The following BAZ2B variants were observed in gnomAD, a reference collection of about 807,000 sequenced individuals.
BAZ2B encodes bromodomain adjacent to zinc finger domain protein 2B.
BAZ2B carries 91 observed loss-of-function variants against 246.0 expected under a neutral mutation model. That is an observed-to-expected ratio of 0.37 (90% CI 0.31 to 0.44). BAZ2B has a LOEUF of 0.44. Among genes scored for constraint, BAZ2B ranks in the 20% least tolerant of loss-of-function variants. The probability of loss-of-function intolerance (pLI) is 1.00; values close to 1 mark genes in which losing one functional copy is unlikely to be tolerated. For synonymous variants in BAZ2B, 855 were observed against 860.0 expected (o/e 0.99, Z 0.10); for missense variants, 2,332 against 2,533.7 (o/e 0.92, Z 1.71).
chr2:159,624,346 G>A, the BAZ2B span, among the ~76,000 whole-genome samples: 1 of 152,192 alleles, frequency 6.6e-6, no homozygotes, highest in Admixed American at 6.5e-5. Context: ...GCTCTGCTAA[G>A]GGTCAGACTG....
the BAZ2B span, among the ~76,000 whole-genome samples, chr2:159,635,140 A>AT: frequency 6.6e-6 from 1 of 152,088 alleles, no homozygotes; most frequent in African/African-American, 2.4e-5. Flanking sequence ...GCTGTTTGAG[A>AT]TTTTCTGGGA....
Position 159,382,787 on chromosome 2 carries a change from A to G in BAZ2B, c.3777T>C (p.His1259=), listed in dbSNP as rs141120127. Residue 1259 remains histidine, a synonymous_variant, in exon 25 of 37, where the codon CAT becomes CAC. Transcript: ENST00000392783. ...TGTCTCTTTTGCCTGTTTTCTTAGC[A>G]TGAATGATTCTGAGCCTTTAAATAT... ...EGKLRKLRII[H]AKKTGKRDTS... 3.7e-3 allele frequency: 5,937 copies of G among 1,613,458 alleles called. 26 individuals are homozygous for G. Among genetic ancestry groups the G allele is most frequent in the Non-Finnish European group, 4.5e-3 (5,356 of 1,179,548 alleles).
At chr2:159,495,551 G>A (rs1310531680) in intron 2 of BAZ2B, among the ~76,000 whole-genome samples, 5 of 128,802 alleles carry the variant, frequency 3.9e-5, no homozygotes, top group Admixed American at 3.2e-4. Context: ...TCTGAAAATA[G>A]ATTGCCATCT....
the BAZ2B span, among the ~76,000 whole-genome samples, chr2:159,710,274 T>G: frequency 5.9e-5 from 9 of 151,490 alleles, no homozygotes; most frequent in Non-Finnish European, 1.3e-4. Context: ...AGTGGCATGA[T>G]CTTGGCTCAC....
chr2:159,343,839 A>C (rs1299786012), intron 31 of BAZ2B, among the ~76,000 whole-genome samples: 2 of 151,678 alleles, frequency 1.3e-5, no homozygotes, highest in East Asian at 3.9e-4. Context: ...ATCCTGGCTA[A>C]CATGATGAAA....
intron 1 of BAZ2B, among the ~76,000 whole-genome samples, chr2:159,609,309 ACT>A (rs1483767084): frequency 1.3e-5 from 2 of 152,146 alleles, no homozygotes; most frequent in African/African-American, 4.8e-5. Flanking sequence ...AACTAGAGTA[ACT>A]CTATAGTTTT....
At chr2:159,382,047 AT>A (rs1412133460) in intron 25 of BAZ2B, among the ~76,000 whole-genome samples, 19 of 152,284 alleles carry the variant, frequency 1.2e-4, no homozygotes, top group African/African-American at 4.3e-4. Context: ...CAGTTATCAC[AT>A]TATGTTTTCT....
chr2:159,508,991 G>A (rs1334455231), intron 2 of BAZ2B, among the ~76,000 whole-genome samples: 6 of 152,064 alleles, frequency 3.9e-5, no homozygotes, highest in African/African-American at 1.4e-4. Context: ...AATAATCCCT[G>A]CCTTTTGGCT....
In BAZ2B at chr2:159,370,337, A is replaced by T. The variant is rs202230450; in HGVS notation, c.4213+2708T>A. ...AGTATAATAAAAATATATATTTATT[A>T]AAAAAAAAACTGCTCTTAAGTCTCC... On this transcript the variant is annotated intron_variant, in intron 27 of 36. Transcript: ENST00000392783. Among the ~76,000 whole-genome samples the T allele has an allele frequency of 1.3e-3, 116 of 89,966 alleles. No homozygotes were observed. In the South Asian group the frequency reaches 0.017, roughly 13 times the overall value. 59.0% of individuals were successfully genotyped at this position (89,966 alleles called of 152,430 possible).
At chr2:159,523,703 A>G (rs1315457252) in intron 2 of BAZ2B, among the ~76,000 whole-genome samples, 2 of 152,196 alleles carry the variant, frequency 1.3e-5, no homozygotes, top group Non-Finnish European at 2.9e-5. Context: ...GTCTCAAAAA[A>G]AAGAAAAAGA....
At chr2:159,478,856 T>A in intron 2 of BAZ2B, 135 bp from the exon 3 acceptor site, 3 of 588,060 alleles carry the variant, frequency 5.1e-6, no homozygotes, top group Non-Finnish European at 7.7e-6. Context: ...AGAGAAAATA[T>A]GGAGTAGATA....
intron 2 of BAZ2B, among the ~76,000 whole-genome samples, chr2:159,526,327 G>A (rs1351969295): frequency 6.6e-6 from 1 of 152,052 alleles, no homozygotes; most frequent in African/African-American, 2.4e-5. Flanking sequence ...TAAAGTCAAA[G>A]CAGCATGTAG....
At chr2:159,410,715 C>A (rs187000620) in intron 14 of BAZ2B, among the ~76,000 whole-genome samples, 57 of 152,102 alleles carry the variant, frequency 3.7e-4, no homozygotes, top group Non-Finnish European at 7.1e-4. Flanking sequence ...GGCAGTTAAG[C>A]TATTAGTCAA....
At chr2:159,582,674 T>G (rs1231410565) in intron 1 of BAZ2B, among the ~76,000 whole-genome samples, 1 of 152,000 alleles carries the variant, frequency 6.6e-6, no homozygotes, top group African/African-American at 2.4e-5. Flanking sequence ...TGTAAGCCAC[T>G]GGGCCTGGAT....
rs1164025773 is a variant in BAZ2B, at chr2:159,433,208, G to T, written c.1449C>A (p.Phe483Leu). The T allele has an allele frequency of 3.7e-6, 6 of 1,614,196 alleles. No homozygotes were observed. Among genetic ancestry groups the T allele is most frequent in the Non-Finnish European group, 5.1e-6 (6 of 1,180,024 alleles). The change falls in exon 9 of 37, where the codon TTC (phenylalanine) becomes TTA (leucine). Residue 483 changes from phenylalanine to leucine, a missense_variant. Coordinates refer to ENST00000392783, the MANE Select transcript of BAZ2B (RefSeq NM_013450.4). ...QTLENNHPNP[F>L]LTNALLGNHQ... ...GATTACCTAAAAGTGCATTTGTCAAGAATGGATTTGGGTGGTTGTTTTCTA... is the reference window on the plus strand; with the variant it reads ...GATTACCTAAAAGTGCATTTGTCAATAATGGATTTGGGTGGTTGTTTTCTA...
At chr2:159,354,231 G>C (rs193173877) in intron 27 of BAZ2B, among the ~76,000 whole-genome samples, 113 of 152,200 alleles carry the variant, frequency 7.4e-4, no homozygotes, top group African/African-American at 2.6e-3. Flanking sequence ...ACTAGTTTGA[G>C]ACTAGAAGAT....
At chr2:159,530,343 G>A (rs2085245654) in intron 2 of BAZ2B, among the ~76,000 whole-genome samples, 1 of 152,150 alleles carries the variant, frequency 6.6e-6, no homozygotes, top group Non-Finnish European at 1.5e-5. Flanking sequence ...CTGTCCAGCT[G>A]AACGTATTTC....
the BAZ2B span, among the ~76,000 whole-genome samples, chr2:159,672,257 A>G: frequency 3.3e-5 from 5 of 152,228 alleles, no homozygotes; most frequent in Non-Finnish European, 5.9e-5. Flanking sequence ...AATGTTGAAG[A>G]GGAAGCGGTG....
chr2:159,668,692 T>C, the BAZ2B span, among the ~76,000 whole-genome samples: 2 of 152,206 alleles, frequency 1.3e-5, no homozygotes, highest in Non-Finnish European at 2.9e-5. Flanking sequence ...TTCCTTCTAC[T>C]TAGTTTAGGT....
Sources: allele counts gnomAD v4.1 joint callset (sites outside exome capture counted in the v4.1 genomes callset), GRCh38; gene constraint gnomAD v4.1.1; transcripts MANE v1.5; gene names NCBI Gene and HGNC (gene_info 2026-07-23, HGNC 2026-07-21).